Variants in PPM1L observed in about 807,000 individuals in gnomAD.
The protein encoded by PPM1L is protein phosphatase 1L.
A neutral mutation model predicts 31.4 loss-of-function variants in PPM1L; 13 were observed. The ratio of observed to expected loss-of-function variants is 0.41; its 90% CI spans 0.27 to 0.66. The LOEUF (loss-of-function observed/expected upper bound fraction) is 0.66, where lower values mean the gene tolerates loss of function less well. Ranked by LOEUF, PPM1L falls within the 30% of genes least tolerant of loss-of-function variation. The pLI is 0.29. For synonymous variants in PPM1L, 184 were observed against 175.4 expected, an observed-to-expected ratio of 1.05 and a Z score of -0.39; for missense variants, 326 against 453.7, an observed-to-expected ratio of 0.72 and a Z score of 2.56.
chr3:160,842,675 C>A (rs573983171), intron 1 of PPM1L, among the ~76,000 whole-genome samples: 2 of 152,128 alleles, frequency 1.3e-5, no homozygotes, highest in Non-Finnish European at 2.9e-5. Flanking sequence ...TATTAAATCT[C>A]TTTTTCAGTC....
chr3:161,067,352 C>T (rs550205201), intron 3 of PPM1L, among the ~76,000 whole-genome samples: 3 of 152,336 alleles, frequency 2.0e-5, no homozygotes, highest in South Asian at 2.1e-4. Context: ...GCATATTTTA[C>T]ACAAGGCTTA....
intron 1 of PPM1L, among the ~76,000 whole-genome samples, chr3:160,824,076 T>C (rs1487582162): frequency 6.6e-6 from 1 of 152,152 alleles, no homozygotes; most frequent in African/African-American, 2.4e-5. Context: ...AAAATTCACA[T>C]GTTGAACTCC....
chr3:161,016,797 C>T (rs573219208), intron 2 of PPM1L, among the ~76,000 whole-genome samples: 1 of 152,094 alleles, frequency 6.6e-6, no homozygotes, highest in African/African-American at 2.4e-5. Flanking sequence ...TTAGAGTGTG[C>T]TCTGATTATA....
At chr3:160,762,252 G>C (rs111569384) in intron 1 of PPM1L, among the ~76,000 whole-genome samples, 4,089 of 152,240 alleles carry the variant, frequency 0.027, 192 homozygotes, top group African/African-American at 0.094. Context: ...TATGGTTTAA[G>C]AGAAGATTCT....
At chr3:160,798,336 G>A (rs770646900) in intron 1 of PPM1L, among the ~76,000 whole-genome samples, 3 of 152,192 alleles carry the variant, frequency 2.0e-5, no homozygotes, top group African/African-American at 4.8e-5. Context: ...TAAGAATTTC[G>A]TAGGTAGAGA....
At chr3:160,814,705 A>ATATATATATATATG (rs1553808949) in intron 1 of PPM1L, among the ~76,000 whole-genome samples, 65 of 146,610 alleles carry the variant, frequency 4.4e-4, no homozygotes, top group African/African-American at 1.5e-3. Flanking sequence ...GTATATGTGT[A>ATATATATATATATG]TATATATGTG....
At chr3:161,037,256 CT>C (rs1718767361) in intron 2 of PPM1L, among the ~76,000 whole-genome samples, 1 of 152,200 alleles carries the variant, frequency 6.6e-6, no homozygotes, top group African/African-American at 2.4e-5. Context: ...CTCCTTTGCT[CT>C]TTGTCTCTGG....
At chr3:160,771,920 T>G (rs1715268286) in intron 1 of PPM1L, among the ~76,000 whole-genome samples, 1 of 152,122 alleles carries the variant, frequency 6.6e-6, no homozygotes, top group Admixed American at 6.6e-5. Flanking sequence ...TATTCTCTAA[T>G]GATTTCAGAA....
rs1046653769 is a variant in PPM1L at position 161,071,216 on chromosome 3, C to A, written c.*2059C>A. On this transcript the variant is annotated 3_prime_UTR_variant, in exon 4 of 4. Transcript: ENST00000498165. Reference sequence around the variant, plus strand: ...ACATTCTGACTCCTAAGAGTTGCCCCCACCCACCATCAAACTGAAATCAGC... The same window carrying A: ...ACATTCTGACTCCTAAGAGTTGCCCACACCCACCATCAAACTGAAATCAGC... 3.3e-5 allele frequency: 5 copies of A among 152,198 alleles called. No homozygotes were observed. The highest frequency in any genetic ancestry group is 9.7e-5 in the African/African-American group (4 of 41,426). The allele number at this position is 152,198 out of a possible 1,614,324, so 9.4% of individuals were successfully genotyped here. A position where few individuals can be genotyped will look rare whatever the true frequency, so the allele number is the denominator to read the frequency against.
chr3:160,984,212 G>A (rs544101685), intron 2 of PPM1L, among the ~76,000 whole-genome samples: 3 of 152,238 alleles, frequency 2.0e-5, no homozygotes, highest in Non-Finnish European at 2.9e-5. Context: ...CTCCCAGAGC[G>A]GCCATTTCAG....
chr3:160,857,096 A>C (rs942493493), intron 1 of PPM1L, among the ~76,000 whole-genome samples: 7 of 152,206 alleles, frequency 4.6e-5, no homozygotes, highest in Non-Finnish European at 8.8e-5. Context: ...TAAAAGAAAG[A>C]AGTTAATATT....
chr3:161,010,916 G>A (rs1717872163), intron 2 of PPM1L, among the ~76,000 whole-genome samples: 1 of 152,170 alleles, frequency 6.6e-6, no homozygotes, highest in Admixed American at 6.5e-5. Context: ...CTGGATATTA[G>A]CCCTTTGACA....
chr3:160,856,658 T>C (rs958179423), intron 1 of PPM1L, among the ~76,000 whole-genome samples: 2 of 151,744 alleles, frequency 1.3e-5, no homozygotes, highest in Non-Finnish European at 2.9e-5. Flanking sequence ...TACTTGGGGG[T>C]GGAGAGTGGG....
chr3:160,802,836 C>G (rs1429303898), intron 1 of PPM1L, among the ~76,000 whole-genome samples: 1 of 152,132 alleles, frequency 6.6e-6, no homozygotes, highest in Non-Finnish European at 1.5e-5. Flanking sequence ...GAGGCAAATA[C>G]AGTGTTTTGG....
At chr3:160,907,005 G>A (rs947421070) in intron 1 of PPM1L, among the ~76,000 whole-genome samples, 1 of 152,148 alleles carries the variant, frequency 6.6e-6, no homozygotes, top group African/African-American at 2.4e-5. Context: ...TGCTTTATTT[G>A]TTAGAGGCAA....
intron 2 of PPM1L, among the ~76,000 whole-genome samples, chr3:161,055,871 G>A (rs564959291): frequency 5.5e-4 from 84 of 152,148 alleles, no homozygotes; most frequent in South Asian, 1.5e-3. Context: ...ATTAGCATAA[G>A]CAGTCTGGCA....
chr3:160,786,712 C>T (rs980302160), intron 1 of PPM1L, among the ~76,000 whole-genome samples: 2 of 151,648 alleles, frequency 1.3e-5, no homozygotes, highest in Admixed American at 1.3e-4. Flanking sequence ...GAGCATAGTA[C>T]CTAATAGGTA....
chr3:160,832,932 A>G (rs1251172477), intron 1 of PPM1L, among the ~76,000 whole-genome samples: 2 of 151,886 alleles, frequency 1.3e-5, no homozygotes, highest in Admixed American at 6.6e-5. Context: ...ACCCCACCCC[A>G]TGACAGGCCC....
chr3:161,005,782 A>T (rs866666574), intron 2 of PPM1L, among the ~76,000 whole-genome samples: 3 of 152,220 alleles, frequency 2.0e-5, no homozygotes, highest in Non-Finnish European at 4.4e-5. Flanking sequence ...GAAAAACAGG[A>T]TAAATAGGAT....
Sources: gnomAD v4.1 joint callset for allele counts (sites outside exome capture counted in the v4.1 genomes callset) on GRCh38, gnomAD v4.1.1 for gene constraint, MANE v1.5 for transcripts, NCBI Gene and HGNC (gene_info 2026-07-23, HGNC 2026-07-21) for gene names.